ZNF354A: variants seen among roughly 807,000 people sequenced by gnomAD.
The protein encoded by ZNF354A is epididymis luminal protein 104.
In ZNF354A, 25 loss-of-function variants were observed where a neutral mutation model predicts 53.3. That is an observed-to-expected ratio of 0.47 (90% CI 0.34 to 0.66). The LOEUF is 0.66. Ranked by LOEUF, ZNF354A falls within the 30% of genes least tolerant of loss-of-function variation. The probability of loss-of-function intolerance (pLI) is 0.01; values close to 1 mark genes in which losing one functional copy is unlikely to be tolerated. For missense variants in ZNF354A, 586 were observed against 716.8 expected (o/e 0.82, Z 2.08); for synonymous variants, 228 against 249.0 (o/e 0.92, Z 0.79).
At chr5:178,728,144 C>T (rs1765949143) in intron 2 of ZNF354A, among the ~76,000 whole-genome samples, 1 of 152,148 alleles carries the variant, frequency 6.6e-6, no homozygotes, top group African/African-American at 2.4e-5. Context: ...GGCCGGCTGA[C>T]TTCTACAAAT....
intron 1 of ZNF354A, 121 bp downstream of exon 1, chr5:178,730,435 C>CCGGTGACAGACGCGGGGGT (rs1766012824): frequency 6.6e-6 from 1 of 152,110 alleles, no homozygotes; most frequent in Non-Finnish European, 1.5e-5. Context: ...GGCGCGGGGG[C>CCGGTGACAGACGCGGGGGT]CGGTGACAGA....
intron 4 of ZNF354A, among the ~76,000 whole-genome samples, chr5:178,724,163 T>G (rs1303511976): frequency 6.6e-6 from 1 of 151,366 alleles, no homozygotes; most frequent in Non-Finnish European, 1.5e-5. Flanking sequence ...GCAAGTGCCT[T>G]CATCCAGGCC....
In ZNF354A at chr5:178,713,337, G is replaced by A. The variant is rs753305594; in HGVS notation, c.541C>T (p.Pro181Ser). The A allele has an allele frequency of 2.5e-6, 4 of 1,614,020 alleles. No individual in the cohort carries two copies. In the African/African-American group the frequency reaches 5.3e-5, roughly 22 times the overall value. ...KSVLIRQQIL[P>S]REKTPPKCEI... ...CATTTTGGTGGTGTTTTTTCTCTGG[G>A]AAGTATCTGTTGCCTAATAAGCACT... Residue 181 changes from proline to serine, a missense_variant, in exon 5 of 5, where the codon CCC becomes TCC. By Grantham distance (74) the Pro-to-Ser change is moderately conservative. This residue lies in a region of ZNF354A where 573 missense variants were observed against 680.1 expected (regional missense o/e 0.84). Transcript: ENST00000335815.
chr5:178,725,696 T>A (rs1448205002), intron 3 of ZNF354A, among the ~76,000 whole-genome samples: 1 of 152,192 alleles, frequency 6.6e-6, no homozygotes, highest in Admixed American at 6.5e-5. Context: ...TAGGAAAATA[T>A]GATCAACATG....
In ZNF354A at chr5:178,713,262, GTTGA is replaced by G. The variant is rs763893786; in HGVS notation, c.612_615del (p.Pro206LysfsTer56). On this transcript the variant is annotated frameshift_variant, in exon 5 of 5. Coordinates refer to ENST00000335815, the MANE Select transcript of ZNF354A (RefSeq NM_005649.3). LOFTEE classifies it high-confidence loss of function. ...TAGCGTTTATCTGCTGTAATTTTTG[GTTGA>G]TTAAGTAATTGTGAATTCTGTTTGA... 14 of 1,613,988 alleles carry G rather than the reference GTTGA, an allele frequency of 8.7e-6. No homozygotes were observed. Among genetic ancestry groups the G allele is most frequent in the African/African-American group, 4.0e-5 (3 of 74,924 alleles).
intron 4 of ZNF354A, among the ~76,000 whole-genome samples, chr5:178,717,055 G>A (rs1181443721): frequency 1.6e-4 from 22 of 134,456 alleles, no homozygotes; most frequent in Admixed American, 4.6e-4. Context: ...ACCAGCCTGG[G>A]CGACAGAGTG....
intron 4 of ZNF354A, among the ~76,000 whole-genome samples, chr5:178,720,203 A>G (rs766203322): frequency 6.6e-5 from 10 of 152,242 alleles, no homozygotes; most frequent in Non-Finnish European, 1.0e-4. Context: ...TGAATTGTAC[A>G]GTGAATCTCC....
At position 178,724,074 on chromosome 5, in the gene ZNF354A, T is replaced by G. The variant is rs183144828; in HGVS notation, c.256+1302A>C. On this transcript the variant is annotated intron_variant, in intron 4 of 4. Coordinates refer to ENST00000335815, the MANE Select transcript of ZNF354A (RefSeq NM_005649.3). ...CCCACCTGACGACTTCACTCACATC[T>G]CAAGTGAAATCCATCCCACACCCAA... Among the ~76,000 whole-genome samples, 16 of 151,940 alleles carry G rather than the reference T, an allele frequency of 1.1e-4. No individual in the cohort carries two copies. The East Asian group carries it at 3.1e-3, about 30-fold the overall frequency.
Position 178,724,468 on chromosome 5 carries a change from G to A in ZNF354A, c.256+908C>T, listed in dbSNP as rs1462173327. Among the ~76,000 whole-genome samples the A allele has an allele frequency of 2.0e-5, 3 of 152,116 alleles. No individual in the cohort carries two copies. In the South Asian group the frequency reaches 6.2e-4, roughly 32 times the overall value. Reference sequence around the variant, plus strand: ...TCAAACTCCTGACCTCAGGTGATCCGCCCGCCTCGGCCTCTGAAAGTGCTA... The same window carrying A: ...TCAAACTCCTGACCTCAGGTGATCCACCCGCCTCGGCCTCTGAAAGTGCTA... On this transcript the variant is annotated intron_variant, in intron 4 of 4. Coordinates refer to ENST00000335815, the MANE Select transcript of ZNF354A (RefSeq NM_005649.3).
At chr5:178,726,942 G>T (rs201882199) in intron 3 of ZNF354A, 57 bp downstream of exon 3, 1 of 1,559,322 alleles carries the variant, frequency 6.4e-7, no homozygotes, top group Non-Finnish European at 8.7e-7. Flanking sequence ...TTCAGGGAAG[G>T]AGGTGCTGAG....
chr5:178,718,021 T>G (rs1175765017), intron 4 of ZNF354A, among the ~76,000 whole-genome samples: 1 of 152,174 alleles, frequency 6.6e-6, no homozygotes, highest in Non-Finnish European at 1.5e-5. Flanking sequence ...CAACAGTTTC[T>G]AAAGGAGAGT....
intron 2 of ZNF354A, among the ~76,000 whole-genome samples, chr5:178,728,753 C>T (rs1344354923): frequency 1.4e-5 from 2 of 141,202 alleles, no homozygotes; most frequent in South Asian, 2.3e-4. Flanking sequence ...GCCGAGATCC[C>T]GCCACTGCCT....
intron 4 of ZNF354A, among the ~76,000 whole-genome samples, chr5:178,716,317 T>C (rs1765715381): frequency 6.6e-6 from 1 of 152,188 alleles, no homozygotes. Flanking sequence ...GTCCTTAACA[T>C]GGTGAATAGA....
chr5:178,726,840 G>A (rs1765918043), intron 3 of ZNF354A, among the ~76,000 whole-genome samples, 159 bp downstream of exon 3: 1 of 152,174 alleles, frequency 6.6e-6, no homozygotes, highest in South Asian at 2.1e-4. Context: ...TGCCTATAAG[G>A]GGGAATAGGT....
At position 178,728,173 on chromosome 5, in the gene ZNF354A, C is replaced by G. The variant is rs111268487; in HGVS notation, c.33+817G>C. 6.7e-3 allele frequency among the ~76,000 whole-genome samples: 1,013 copies of G among 152,248 alleles called. 14 individuals are homozygous for G. Among genetic ancestry groups the G allele is most frequent in the African/African-American group, 0.023 (976 of 41,548 alleles). ...TACAAATTTTGTATCCTCTCTGTGA[C>G]TTTGTTTTTTCTTGTGTAATTCAAA... On this transcript the variant is annotated intron_variant, in intron 2 of 4. Transcript: ENST00000335815.
intron 4 of ZNF354A, among the ~76,000 whole-genome samples, chr5:178,725,100 G>T (rs1311559600): frequency 6.6e-6 from 1 of 152,166 alleles, no homozygotes; most frequent in Non-Finnish European, 1.5e-5. Context: ...CTGAGCTTCA[G>T]CCAGAGTGAT....
chr5:178,728,741 G>C (rs1490567710), intron 2 of ZNF354A, among the ~76,000 whole-genome samples: 2 of 142,552 alleles, frequency 1.4e-5, no homozygotes, highest in Non-Finnish European at 3.0e-5. Flanking sequence ...AGGTTGCAGC[G>C]AGCCGAGATC....
At chr5:178,715,154 C>T (rs559630591) in intron 4 of ZNF354A, among the ~76,000 whole-genome samples, 10 of 152,300 alleles carry the variant, frequency 6.6e-5, no homozygotes, top group Admixed American at 3.9e-4. Context: ...CTCAGGGGAA[C>T]GGTTATGCAC....
At chr5:178,717,211 A>G (rs1255350858) in intron 4 of ZNF354A, among the ~76,000 whole-genome samples, 1 of 151,980 alleles carries the variant, frequency 6.6e-6, no homozygotes, top group Non-Finnish European at 1.5e-5. Context: ...CTGGGGAATT[A>G]TGTGTTCATT....
Sources: gnomAD v4.1 joint callset for allele counts (sites outside exome capture counted in the v4.1 genomes callset) on GRCh38, gnomAD v4.1.1 for gene constraint, gnomAD v4.1.1 regional missense constraint, MANE v1.5 for transcripts, NCBI Gene and HGNC (gene_info 2026-07-23, HGNC 2026-07-21) for gene names.